Variants in CKLF observed in about 807,000 individuals in gnomAD.
The protein encoded by CKLF is chemokine-like factor.
CKLF carries 16 observed loss-of-function variants against 12.9 expected under a neutral mutation model. The ratio of observed to expected loss-of-function variants is 1.24; its 90% CI spans 0.84 to 1.88. CKLF has a LOEUF of 1.88. Among genes scored for constraint, CKLF ranks in the 40% most tolerant of loss-of-function variants. The pLI, the probability that CKLF is intolerant of heterozygous loss-of-function variation, is 0.00. For missense variants in CKLF, 172 were observed against 188.5 expected, an observed-to-expected ratio of 0.91 and a Z score of 0.51; for synonymous variants, 61 against 69.0, an observed-to-expected ratio of 0.88 and a Z score of 0.57.
At chr16:66,562,346 G>A (rs901873551) in intron 2 of CKLF, among the ~76,000 whole-genome samples, 4 of 152,130 alleles carry the variant, frequency 2.6e-5, no homozygotes, top group Non-Finnish European at 4.4e-5. Context: ...GCACCACAGC[G>A]CCCAGCATTA....
At chr16:66,553,262 G>A (rs2011264429) in intron 1 of CKLF, 1 of 153,250 alleles carries the variant, frequency 6.5e-6, no homozygotes, top group African/African-American at 2.4e-5. Context: ...GTTACCAGGC[G>A]AGACAACTGC....
chr16:66,554,091 G>A (rs750408978), intron 1 of CKLF, among the ~76,000 whole-genome samples: 1 of 152,244 alleles, frequency 6.6e-6, no homozygotes, highest in Non-Finnish European at 1.5e-5. Flanking sequence ...GAATGGTCCT[G>A]TGAGAATGGT....
chr16:66,552,673 A>T lies in CKLF; in HGVS notation c.-43A>T. 6.2e-7 allele frequency: 1 copy of T among 1,613,858 alleles called. No homozygotes were observed. The highest frequency in any genetic ancestry group is 8.5e-7 in the Non-Finnish European group (1 of 1,179,926). Reference sequence around the variant, plus strand: ...CAGAACCTACTCAGGCAGCCAGCTGAGAAGAGTTGAGGGAAAGTGCTGCTG... The same window carrying T: ...CAGAACCTACTCAGGCAGCCAGCTGTGAAGAGTTGAGGGAAAGTGCTGCTG... On this transcript the variant is annotated 5_prime_UTR_variant, in exon 1 of 4. Coordinates refer to ENST00000264001, the MANE Select transcript of CKLF (RefSeq NM_016951.4).
chr16:66,560,039 A>T (rs1238326604), intron 2 of CKLF, among the ~76,000 whole-genome samples: 1 of 152,212 alleles, frequency 6.6e-6, no homozygotes, highest in Admixed American at 6.5e-5. Flanking sequence ...GATGGCGTGG[A>T]TGCAACCCAG....
At chr16:66,559,919 G>C (rs916425482) in intron 2 of CKLF, among the ~76,000 whole-genome samples, 1 of 151,316 alleles carries the variant, frequency 6.6e-6, no homozygotes, top group Non-Finnish European at 1.5e-5. Flanking sequence ...CCTAGATTCT[G>C]TAATTGGTTC....
Position 66,563,103 on chromosome 16 carries a change from C to T in CKLF, c.238-19C>T, listed in dbSNP as rs1224006345. The T allele has an allele frequency of 6.2e-7, 1 of 1,613,280 alleles. No homozygotes were observed. The highest frequency in any genetic ancestry group is 1.3e-5 in the African/African-American group (1 of 74,836). ...TTGGTAGTCTTCATGTAAGGCTCAG[C>T]TTTATTGTGTGTTTTTAGGATATTA... On this transcript the variant is annotated intron_variant, in intron 2 of 3. Transcript: ENST00000264001.
chr16:66,555,129 C>T (rs78043125), intron 1 of CKLF, among the ~76,000 whole-genome samples: 6 of 152,138 alleles, frequency 3.9e-5, no homozygotes, highest in Admixed American at 3.3e-4. Flanking sequence ...CTCAGCTACT[C>T]GGGAGGCTGA....
rs1246089801 is a variant in CKLF at position 66,563,205 on chromosome 16, A to G, written c.321A>G (p.Thr107=). The G allele has an allele frequency of 6.2e-7, 1 of 1,613,892 alleles. No homozygotes were observed. The highest frequency in any genetic ancestry group is 8.5e-7 in the Non-Finnish European group (1 of 1,179,988). ...LALIPETTTL[T]VGGGVFALVT... ...TGATACCAGAAACCACAACATTGAC[A>G]GTTGGTGGAGGGGTAAGTGGAAGTC... Residue 107 remains threonine, a synonymous_variant, in exon 3 of 4, where the codon ACA becomes ACG. Transcript: ENST00000264001.
rs2011874423 is a variant in CKLF at position 66,563,222 on chromosome 16, G to A, written c.333+5G>A. The A allele has an allele frequency of 6.2e-7, 1 of 1,611,654 alleles. No homozygotes were observed. Among genetic ancestry groups the A allele is most frequent in the South Asian group, 1.1e-5 (1 of 90,186 alleles). On this transcript the variant is annotated splice_donor_5th_base_variant and intron_variant, in intron 3 of 3. Transcript: ENST00000264001. ...ACATTGACAGTTGGTGGAGGGGTAA[G>A]TGGAAGTCTTTCTGCTTGCTTTCTT...
Position 66,566,066 on chromosome 16 carries a change from C to T in CKLF, c.*55C>T. 1 of 1,610,310 alleles carries T rather than the reference C, an allele frequency of 6.2e-7. No individual in the cohort carries two copies. The highest frequency in any genetic ancestry group is 2.2e-5 in the East Asian group (1 of 44,796). ...GTATTAAACATATTTCTGTATTCTT[C>T]CACATATTTTCTGCAGTTATTTTAA... On this transcript the variant is annotated 3_prime_UTR_variant, in exon 4 of 4. Coordinates refer to ENST00000264001, the MANE Select transcript of CKLF (RefSeq NM_016951.4). This position sits in a 1 kb window ranked among gnomAD's most constrained non-coding sequence, Gnocchi z 4.9.
At chr16:66,554,197 G>T (rs1170990106) in intron 1 of CKLF, among the ~76,000 whole-genome samples, 1 of 152,146 alleles carries the variant, frequency 6.6e-6, no homozygotes, top group Non-Finnish European at 1.5e-5. Context: ...GACGAACCAG[G>T]ACAAAAATCC....
At chr16:66,565,716 G>A (rs2144568952) in intron 3 of CKLF, 170 bp from the exon 4 acceptor site, 3 of 647,112 alleles carry the variant, frequency 4.6e-6, no homozygotes, top group African/African-American at 3.6e-5. Context: ...TAGCAATGAG[G>A]AGAATAAGAT....
rs1210498108 is a variant in CKLF at position 66,565,882 on chromosome 16, C to A, written c.334-4C>A. The A allele has an allele frequency of 5.0e-6, 8 of 1,613,570 alleles. No individual in the cohort carries two copies. Among genetic ancestry groups the A allele is most frequent in the East Asian group, 4.5e-5 (2 of 44,892 alleles). On this transcript the variant is annotated splice_region_variant and splice_polypyrimidine_tract_variant and intron_variant, in intron 3 of 3. Coordinates refer to ENST00000264001, the MANE Select transcript of CKLF (RefSeq NM_016951.4). ...AGGGCAGTGACACTTGTCTTTCTTT[C>A]CAGGTGTTTGCACTTGTGACAGCAG...
chr16:66,552,816 G>C (rs745641076), intron 1 of CKLF, 23 bp downstream of exon 1: 2 of 1,613,886 alleles, frequency 1.2e-6, no homozygotes, highest in South Asian at 1.1e-5. Context: ...CGCGGAGGGC[G>C]GGAGGCTGAT....
intron 1 of CKLF, chr16:66,553,353 TC>T (rs1486818074): frequency 1.3e-5 from 2 of 151,506 alleles, no homozygotes; most frequent in African/African-American, 2.4e-5. Flanking sequence ...TGTGTGGACT[TC>T]CGTGAGACAG....
rs546059011 is a variant in CKLF at position 66,553,995 on chromosome 16, TACTC to T, written c.78+1204_78+1207del. 9.2e-5 allele frequency among the ~76,000 whole-genome samples: 14 copies of T among 152,284 alleles called. 1 individual carries two copies. In the South Asian group the frequency reaches 2.9e-3, roughly 32 times the overall value. ...GAAATAACTTTTGATTGGGAGTAAATACTCAGGGCAAAAGTGACCAGAAGGTCTG... is the reference window on the plus strand; with the variant it reads ...GAAATAACTTTTGATTGGGAGTAAATAGGGCAAAAGTGACCAGAAGGTCTG... On this transcript the variant is annotated intron_variant, in intron 1 of 3. Transcript: ENST00000264001.
chr16:66,552,632 G>A lies in CKLF; in HGVS notation c.-84G>A. The A allele has an allele frequency of 6.2e-7, 1 of 1,602,144 alleles. No homozygotes were observed. Among genetic ancestry groups the A allele is most frequent in the African/African-American group, 1.3e-5 (1 of 74,826 alleles). On this transcript the variant is annotated 5_prime_UTR_variant, in exon 1 of 4. Transcript: ENST00000264001. ...GAGGGCGGTGCTCCGCCGCGGTGGCGGTTGCTATCGCTTCGCAGAACCTAC... is the reference window on the plus strand; with the variant it reads ...GAGGGCGGTGCTCCGCCGCGGTGGCAGTTGCTATCGCTTCGCAGAACCTAC...
At chr16:66,553,361 A>T (rs1214139046) in intron 1 of CKLF, 2 of 152,204 alleles carry the variant, frequency 1.3e-5, no homozygotes, top group African/African-American at 4.8e-5. Flanking sequence ...CTTCCGTGAG[A>T]CAGACGTTTG....
chr16:66,558,975 C>T (rs903015973), intron 2 of CKLF, among the ~76,000 whole-genome samples: 2 of 152,158 alleles, frequency 1.3e-5, no homozygotes, highest in African/African-American at 2.4e-5. Flanking sequence ...TGAAGTTATT[C>T]GTTAAGATGT....
Sources: gnomAD v4.1 joint callset for allele counts (sites outside exome capture counted in the v4.1 genomes callset) on GRCh38, gnomAD v4.1.1 for gene constraint, Gnocchi (gnomAD v3.1) non-coding constraint, MANE v1.5 for transcripts, NCBI Gene and HGNC (gene_info 2026-07-23, HGNC 2026-07-21) for gene names.